The following MBP variants were observed in gnomAD, a reference collection of about 807,000 sequenced individuals.
MBP encodes myelin basic protein.
A neutral mutation model predicts 35.8 loss-of-function variants in MBP; 16 were observed. The ratio of observed to expected loss-of-function variants is 0.45; its 90% CI spans 0.30 to 0.68. The LOEUF is 0.68. Ranked by LOEUF, MBP falls within the 30% of genes least tolerant of loss-of-function variation. MBP has a pLI of 0.08. For missense variants in MBP, 380 were observed against 404.7 expected, an observed-to-expected ratio of 0.94 and a Z score of 0.52; for synonymous variants, 143 against 159.6, an observed-to-expected ratio of 0.90 and a Z score of 0.78.
chr18:77,053,025 A>G (rs911922880), intron 3 of MBP, among the ~76,000 whole-genome samples: 14 of 152,136 alleles, frequency 9.2e-5, no homozygotes, highest in Admixed American at 9.2e-4. Context: ...AAAAAGGGGA[A>G]CTTTTAGTTT....
At chr18:77,111,347 A>G (rs561571266) in intron 1 of MBP, among the ~76,000 whole-genome samples, 31 of 152,374 alleles carry the variant, frequency 2.0e-4, no homozygotes, top group African/African-American at 4.8e-4. Context: ...AACTGTGTGC[A>G]AAATAATAAA....
Position 76,984,787 on chromosome 18 carries a change from T to A in MBP, c.858A>T (p.Lys286Asn). ...GAGGGTACCTTACCAGCTTAAAAAT[T>A]TTGGAAAGCGTGCCCTGGGCATCGA... ...KGVDAQGTLS[K>N]IFKLGGRDSR... Residue 286 changes from lysine to asparagine, a missense_variant, in exon 8 of 9, where the codon AAA (lysine) becomes AAT (asparagine). Transcript: ENST00000355994. 2 of 1,613,986 alleles carry A rather than the reference T, an allele frequency of 1.2e-6. No homozygotes were observed. The highest frequency in any genetic ancestry group is 2.2e-5 in the South Asian group (2 of 91,076).
intron 4 of MBP, among the ~76,000 whole-genome samples, chr18:76,997,773 C>T (rs1970369701): frequency 6.6e-6 from 1 of 151,102 alleles, no homozygotes; most frequent in East Asian, 1.9e-4. Flanking sequence ...AGCTCCGCCT[C>T]CCGGGTTCAC....
intron 2 of MBP, among the ~76,000 whole-genome samples, chr18:77,090,749 C>T (rs761079634): frequency 2.0e-5 from 3 of 152,214 alleles, no homozygotes; most frequent in South Asian, 2.1e-4. Context: ...GGCTCAGCGG[C>T]GGACTCTCCT....
chr18:77,064,309 G>A (rs1173402056), intron 3 of MBP, among the ~76,000 whole-genome samples: 1 of 152,204 alleles, frequency 6.6e-6, no homozygotes, highest in East Asian at 1.9e-4. Flanking sequence ...TCATGGACGC[G>A]GCTGCCTTCA....
At chr18:77,052,854 C>T (rs770524699) in intron 3 of MBP, among the ~76,000 whole-genome samples, 46 of 152,174 alleles carry the variant, frequency 3.0e-4, no homozygotes, top group Non-Finnish European at 6.2e-4. Flanking sequence ...GGCCCCCTCA[C>T]GCCATGTATA....
intron 2 of MBP, among the ~76,000 whole-genome samples, chr18:77,088,940 A>G (rs990056185): frequency 3.3e-5 from 5 of 152,234 alleles, no homozygotes; most frequent in Non-Finnish European, 5.9e-5. Context: ...GCCTGAGTCT[A>G]TGTGTGGACA....
At position 77,045,775 on chromosome 18, in the gene MBP, T is replaced by A. The variant is rs137967502; in HGVS notation, c.139+20523A>T. ...TATTAGAAACAGCACCGATTAACAGTGAAATTACTTAAATCTTAGCATGTA... is the reference window on the plus strand; with the variant it reads ...TATTAGAAACAGCACCGATTAACAGAGAAATTACTTAAATCTTAGCATGTA... On this transcript the variant is annotated intron_variant, in intron 3 of 8. Coordinates refer to ENST00000355994, the MANE Select transcript of MBP (RefSeq NM_001025101.2). 5.4e-3 allele frequency among the ~76,000 whole-genome samples: 815 copies of A among 152,322 alleles called. 35 individuals are homozygous for A. Among genetic ancestry groups the A allele is most frequent in the Admixed American group, 0.049 (747 of 15,300 alleles).
chr18:77,098,289 CATA>C (rs1170450900), intron 2 of MBP, among the ~76,000 whole-genome samples: 10 of 149,084 alleles, frequency 6.7e-5, no homozygotes, highest in Non-Finnish European at 1.5e-5. Flanking sequence ...ACTCACTTTA[CATA>C]ATGTTATCAT....
intron 4 of MBP, chr18:77,014,916 A>G: frequency 1.0e-6 from 1 of 981,512 alleles, no homozygotes; most frequent in Non-Finnish European, 1.2e-6. Context: ...TAAAGCAATC[A>G]TGTGAAAATT....
At position 76,988,697 on chromosome 18, in the gene MBP, C is replaced by A. The variant is rs1599473767; in HGVS notation, c.718-170G>T. The A allele has an allele frequency of 7.2e-7, 1 of 1,387,192 alleles. No homozygotes were observed. The highest frequency in any genetic ancestry group is 2.3e-5 in the East Asian group (1 of 43,528). 85.9% of individuals were successfully genotyped at this position (1,387,192 alleles called of 1,614,324 possible). The stretch of plus-strand genomic sequence containing the variant: ...CAGGGCCACAGCGGCTGTGCAGGTG[C>A]GGGAGGGACAGGAGGGGTGCATGGA... On this transcript the variant is annotated intron_variant, in intron 6 of 8. Transcript: ENST00000355994. The surrounding 1 kb of genome is among the most constrained non-coding windows in gnomAD (Gnocchi z 5.2).
At chr18:77,122,573 T>C (rs1976922102) in intron 1 of MBP, among the ~76,000 whole-genome samples, 1 of 152,238 alleles carries the variant, frequency 6.6e-6, no homozygotes, top group South Asian at 2.1e-4. Context: ...GACAGAATCT[T>C]GCTCTGTCAC....
At chr18:76,997,488 C>T (rs1970336831) in intron 4 of MBP, among the ~76,000 whole-genome samples, 1 of 152,220 alleles carries the variant, frequency 6.6e-6, no homozygotes, top group Non-Finnish European at 1.5e-5. Context: ...AGCGGCAAAG[C>T]GTGTGAGATC....
intron 2 of MBP, among the ~76,000 whole-genome samples, chr18:77,080,674 T>A (rs1351377920): frequency 6.6e-6 from 1 of 151,836 alleles, no homozygotes; most frequent in Non-Finnish European, 1.5e-5. Context: ...ACACACTTTT[T>A]ATATTTTATT....
At chr18:77,090,723 G>A (rs1443394527) in intron 2 of MBP, among the ~76,000 whole-genome samples, 3 of 152,126 alleles carry the variant, frequency 2.0e-5, no homozygotes, top group Admixed American at 6.5e-5. Flanking sequence ...TCCTGACCCC[G>A]GGATGGTGAA....
At chr18:77,019,679 A>G (rs1313030883) in intron 3 of MBP, among the ~76,000 whole-genome samples, 1 of 152,218 alleles carries the variant, frequency 6.6e-6, no homozygotes, top group African/African-American at 2.4e-5. Flanking sequence ...CACATCAGGC[A>G]AGAGAACAGG....
intron 2 of MBP, chr18:77,097,531 G>C (rs963300095): frequency 6.6e-6 from 1 of 152,248 alleles, no homozygotes; most frequent in African/African-American, 2.4e-5. Context: ...AGCTACCCTC[G>C]GGAGACAGAG....
chr18:77,007,376 AC>A (rs1971044697), intron 4 of MBP, among the ~76,000 whole-genome samples: 1 of 151,994 alleles, frequency 6.6e-6, no homozygotes, highest in Non-Finnish European at 1.5e-5. Context: ...GGGCAGGGGC[AC>A]CCCTGGGGGC....
intron 2 of MBP, among the ~76,000 whole-genome samples, chr18:77,084,431 C>CCACACACACACACACACACACACA (rs60010988): frequency 9.4e-6 from 1 of 105,964 alleles, no homozygotes; most frequent in Non-Finnish European, 2.0e-5. Flanking sequence ...CCACACCACA[C>CCACACACACACACACACACACACA]CACACACACA....
Sources: allele counts gnomAD v4.1 joint callset (sites outside exome capture counted in the v4.1 genomes callset), GRCh38; gene constraint gnomAD v4.1.1; non-coding constraint Gnocchi (gnomAD v3.1); transcripts MANE v1.5; gene names NCBI Gene and HGNC (gene_info 2026-07-23, HGNC 2026-07-21).